The following DROSHA variants were observed in gnomAD, a reference collection of about 807,000 sequenced individuals.
DROSHA encodes ribonuclease 3.
Under a neutral mutation model 181.9 loss-of-function variants are expected in DROSHA, and 56 were observed. That is an observed-to-expected ratio of 0.31 (90% CI 0.25 to 0.38). The LOEUF is 0.38. Among genes scored for constraint, DROSHA ranks in the 10% least tolerant of loss-of-function variants. The pLI is 1.00. For missense variants in DROSHA, 1,218 were observed against 1,743.5 expected (o/e 0.70, Z 5.37); for synonymous variants, 524 against 591.2 (o/e 0.89, Z 1.65).
At chr5:31,482,665 G>A (rs973721467) in intron 16 of DROSHA, among the ~76,000 whole-genome samples, 6 of 152,112 alleles carry the variant, frequency 3.9e-5, no homozygotes, top group African/African-American at 1.4e-4. Context: ...CTTGTGGAGA[G>A]AGGAAACTGT....
At chr5:31,498,371 A>C (rs1414319717) in intron 11 of DROSHA, among the ~76,000 whole-genome samples, 1 of 152,200 alleles carries the variant, frequency 6.6e-6, no homozygotes, top group Non-Finnish European at 1.5e-5. Context: ...ATAACACAAT[A>C]ACTGACCTTT....
chr5:31,525,366 T>TG lies in DROSHA; in HGVS notation c.854+712dup, dbSNP rs1165576604. On this transcript the variant is annotated intron_variant, in intron 5 of 35. Coordinates refer to ENST00000344624, the MANE Select transcript of DROSHA (RefSeq NM_001382508.1). Reference sequence around the variant, plus strand: ...AAAAAAAAAAAAAATTAGCCGAGTGTGGTCACGTGCACCTGTAATCCCAGC... The same window carrying TG: ...AAAAAAAAAAAAAATTAGCCGAGTGTGGGTCACGTGCACCTGTAATCCCAGC... Among the ~76,000 whole-genome samples, 5 of 142,568 alleles carry TG rather than the reference T, an allele frequency of 3.5e-5. No individual in the cohort carries two copies. The South Asian group carries it at 1.1e-3, about 32-fold the overall frequency. The allele number at this position is 142,568 out of a possible 152,430, so 93.5% of individuals were successfully genotyped here. A position where few individuals can be genotyped will look rare whatever the true frequency, so the allele number is the denominator to read the frequency against.
chr5:31,475,308 AC>A (rs1412758686), intron 16 of DROSHA, among the ~76,000 whole-genome samples: 2 of 152,044 alleles, frequency 1.3e-5, no homozygotes, highest in South Asian at 2.1e-4. Flanking sequence ...ACAAAGTAAG[AC>A]CCTGTCTCAA....
chr5:31,486,636 G>A, intron 13 of DROSHA, 74 bp from the exon 14 acceptor site: 1 of 1,341,888 alleles, frequency 7.5e-7, no homozygotes, highest in Non-Finnish European at 1.0e-6. Flanking sequence ...TTTGTTACCT[G>A]ACCCAAAAGG....
chr5:31,509,547 C>T (rs1738415707), intron 9 of DROSHA, among the ~76,000 whole-genome samples: 1 of 152,090 alleles, frequency 6.6e-6, no homozygotes, highest in South Asian at 2.1e-4. Flanking sequence ...GAGGGAGCAT[C>T]GTAGGCAAAA....
chr5:31,509,551 G>A (rs1188879356), intron 9 of DROSHA, among the ~76,000 whole-genome samples: 3 of 152,180 alleles, frequency 2.0e-5, no homozygotes, highest in Non-Finnish European at 4.4e-5. Context: ...GAGCATCGTA[G>A]GCAAAAGCGT....
chr5:31,498,856 CAA>C (rs199855344), intron 11 of DROSHA, among the ~76,000 whole-genome samples: 2 of 140,282 alleles, frequency 1.4e-5, no homozygotes. Context: ...AACTCTGTAT[CAA>C]AAAAAAAAAA....
chr5:31,455,710 G>A (rs760598534), intron 20 of DROSHA, among the ~76,000 whole-genome samples: 4 of 148,982 alleles, frequency 2.7e-5, no homozygotes, highest in East Asian at 3.9e-4. Flanking sequence ...GCACTATCTC[G>A]GCTCACTGCA....
At chr5:31,407,928 T>C (rs1740847962) in intron 33 of DROSHA, among the ~76,000 whole-genome samples, 1 of 152,220 alleles carries the variant, frequency 6.6e-6, no homozygotes, top group Admixed American at 6.5e-5. Context: ...TTCATTATGC[T>C]TATTAGGCAC....
At position 31,430,520 on chromosome 5, in the gene DROSHA, T is replaced by G. The variant is rs546829041; in HGVS notation, c.3146-975A>C. ...ACTCTGCAAGGTAAGTGATACTATC[T>G]CCATCTCACAGGCTCACAGATGAGG... On this transcript the variant is annotated intron_variant, in intron 26 of 35. Transcript: ENST00000344624. Among the ~76,000 whole-genome samples, 47 of 152,272 alleles carry G rather than the reference T, an allele frequency of 3.1e-4. 1 individual carries two copies. In the South Asian group the frequency reaches 7.7e-3, roughly 25 times the overall value.
At chr5:31,444,200 G>T (rs1719975432) in intron 23 of DROSHA, among the ~76,000 whole-genome samples, 1 of 152,120 alleles carries the variant, frequency 6.6e-6, no homozygotes, top group South Asian at 2.1e-4. Context: ...GAGAAGCTGT[G>T]CCCAGCTGTG....
rs751850820 is a variant in DROSHA at position 31,504,603 on chromosome 5, T to G, written c.1620A>C (p.Ala540=). Residue 540 remains alanine (A), a synonymous_variant, in exon 11 of 36, where the codon GCA becomes GCC. Transcript: ENST00000344624. ...MNDGPLCKCS[A]KARRTGIRHS... ...GCCTAATTCCTGTGCGTCTTGCCTTTGCGCTGCATTTGCAGAGTGGTCCAT... is the reference window on the plus strand; with the variant it reads ...GCCTAATTCCTGTGCGTCTTGCCTTGGCGCTGCATTTGCAGAGTGGTCCAT... 1 of 1,614,014 alleles carries G rather than the reference T, an allele frequency of 6.2e-7. No homozygotes were observed.
intron 24 of DROSHA, among the ~76,000 whole-genome samples, chr5:31,436,749 C>CAA (rs767398494): frequency 1.3e-3 from 35 of 27,278 alleles, no homozygotes; most frequent in Admixed American, 4.7e-3. Context: ...GAAACACACA[C>CAA]ACACACACAC....
chr5:31,476,714 G>A (rs1338936517), intron 16 of DROSHA, among the ~76,000 whole-genome samples: 1 of 152,140 alleles, frequency 6.6e-6, no homozygotes, highest in Admixed American at 6.5e-5. Flanking sequence ...TTTGGGGCTC[G>A]ATTTCCATGG....
chr5:31,458,531 C>T (rs112130359), intron 20 of DROSHA, among the ~76,000 whole-genome samples: 2,415 of 152,282 alleles, frequency 0.016, 47 homozygotes, highest in African/African-American at 0.054. Context: ...GTCTACATAA[C>T]GATCCATCAG....
chr5:31,446,224 A>T (rs903462667), intron 23 of DROSHA, among the ~76,000 whole-genome samples: 1 of 152,102 alleles, frequency 6.6e-6, no homozygotes, highest in Non-Finnish European at 1.5e-5. Context: ...AGGCGGGCGG[A>T]TCACAAGGTC....
chr5:31,467,743 G>A, intron 18 of DROSHA, 196 bp downstream of exon 18: 2 of 593,052 alleles, frequency 3.4e-6, no homozygotes, highest in Non-Finnish European at 5.1e-6. Context: ...ATAGTTTCTT[G>A]CACTCAAATA....
intron 20 of DROSHA, among the ~76,000 whole-genome samples, chr5:31,453,318 C>A (rs962493287): frequency 6.6e-6 from 1 of 152,162 alleles, no homozygotes; most frequent in East Asian, 1.9e-4. Flanking sequence ...ACCTCAGCCA[C>A]CAAACCCCAG....
intron 11 of DROSHA, among the ~76,000 whole-genome samples, 174 bp from the exon 12 acceptor site, chr5:31,495,546 G>A (rs1022275822): frequency 6.6e-6 from 1 of 152,182 alleles, no homozygotes; most frequent in Non-Finnish European, 1.5e-5. Context: ...ATAAAAAAGG[G>A]CTGGCCAGTC....
Sources: allele counts gnomAD v4.1 joint callset (sites outside exome capture counted in the v4.1 genomes callset), GRCh38; gene constraint gnomAD v4.1.1; transcripts MANE v1.5; gene names NCBI Gene and HGNC (gene_info 2026-07-23, HGNC 2026-07-21).